The following MICAL3 variants were observed in gnomAD, a reference collection of about 807,000 sequenced individuals.
The protein encoded by MICAL3 is microtubule associated monooxygenase, calponin and LIM domain containing 3.
MICAL3 carries 62 observed loss-of-function variants against 207.4 expected under a neutral mutation model. That is an observed-to-expected ratio of 0.30 (90% confidence interval 0.24 to 0.37). MICAL3 has a LOEUF of 0.37. MICAL3 is among the 10% of genes least tolerant of loss of function. The probability of loss-of-function intolerance (pLI) is 1.00; values close to 1 mark genes in which losing one functional copy is unlikely to be tolerated. For synonymous variants in MICAL3, 1,077 were observed against 1,069.3 expected, an observed-to-expected ratio of 1.01 and a Z score of -0.14; for missense variants, 2,368 against 2,635.6, an observed-to-expected ratio of 0.90 and a Z score of 2.22.
intron 1 of MICAL3, among the ~76,000 whole-genome samples, chr22:18,012,407 G>T (rs5992967): frequency 0.37 from 56,293 of 152,074 alleles, 10,484 homozygotes; most frequent in Middle Eastern, 0.4. Flanking sequence ...CGGCCCTCAT[G>T]GGGAGGGACC....
At chr22:17,809,200 T>A (rs1446615721) in intron 28 of MICAL3, among the ~76,000 whole-genome samples, 2 of 152,174 alleles carry the variant, frequency 1.3e-5, no homozygotes, top group Admixed American at 6.5e-5. Flanking sequence ...CCCAGGAGTG[T>A]TGCAGAGACA....
chr22:17,856,682 C>T (rs1207574148), intron 19 of MICAL3, among the ~76,000 whole-genome samples: 4 of 133,696 alleles, frequency 3.0e-5, no homozygotes, highest in Non-Finnish European at 6.1e-5. Flanking sequence ...ACTGCAGTGG[C>T]GCAATCTCGG....
At chr22:18,000,675 G>A (rs1922861546) in intron 1 of MICAL3, among the ~76,000 whole-genome samples, 1 of 152,240 alleles carries the variant, frequency 6.6e-6, no homozygotes. Context: ...CAAAAGCGCG[G>A]TCCCCTCGGA....
chr22:17,950,564 T>C (rs915051819), intron 1 of MICAL3, among the ~76,000 whole-genome samples: 1 of 152,118 alleles, frequency 6.6e-6, no homozygotes, highest in Non-Finnish European at 1.5e-5. Context: ...CTTGAACTCC[T>C]GACCTCAAGT....
intron 1 of MICAL3, among the ~76,000 whole-genome samples, chr22:17,928,669 C>T (rs929686480): frequency 9.2e-5 from 14 of 152,302 alleles, no homozygotes; most frequent in African/African-American, 3.4e-4. Flanking sequence ...TGCCCTGATA[C>T]GATGAACAAC....
chr22:17,849,737 C>T (rs1290452163), intron 19 of MICAL3, among the ~76,000 whole-genome samples: 1 of 140,516 alleles, frequency 7.1e-6, no homozygotes. Flanking sequence ...CCCTGTCACC[C>T]AAGCTGGAGT....
chr22:17,830,812 T>G (rs1251347121), intron 21 of MICAL3, among the ~76,000 whole-genome samples: 1 of 152,224 alleles, frequency 6.6e-6, no homozygotes, highest in Non-Finnish European at 1.5e-5. Flanking sequence ...TGACGCCAGC[T>G]GTTCTCGCGG....
At chr22:17,874,190 C>T (rs1928024809) in intron 16 of MICAL3, among the ~76,000 whole-genome samples, 1 of 152,116 alleles carries the variant, frequency 6.6e-6, no homozygotes, top group South Asian at 2.1e-4. Flanking sequence ...AATAAGATTC[C>T]CAAGGATTGG....
intron 1 of MICAL3, among the ~76,000 whole-genome samples, chr22:18,010,649 C>T (rs1298753608): frequency 2.0e-5 from 3 of 152,134 alleles, no homozygotes; most frequent in Non-Finnish European, 2.9e-5. Context: ...TTAGCTCCCA[C>T]TGGCAGAAAA....
chr22:17,954,392 G>A (rs1399532664), intron 1 of MICAL3, among the ~76,000 whole-genome samples: 2 of 152,018 alleles, frequency 1.3e-5, no homozygotes, highest in African/African-American at 2.4e-5. Context: ...GGAACATCAG[G>A]GGGAAGGAGA....
chr22:17,871,707 G>T, intron 17 of MICAL3, 130 bp downstream of exon 17: 2 of 770,314 alleles, frequency 2.6e-6, no homozygotes, highest in Non-Finnish European at 4.1e-6. Context: ...GGGCAAGAAA[G>T]GCTGGGAGAG....
At chr22:17,879,807 G>A (rs9617633) in intron 16 of MICAL3, among the ~76,000 whole-genome samples, 23,192 of 152,146 alleles carry the variant, frequency 0.15, 2,164 homozygotes, top group African/African-American at 0.24. Flanking sequence ...GGTGGGAATT[G>A]GCTAGAATAA....
chr22:17,832,239 G>A, intron 20 of MICAL3, 132 bp from the exon 21 acceptor site: 2 of 1,198,416 alleles, frequency 1.7e-6, no homozygotes, highest in Non-Finnish European at 2.3e-6. Context: ...GAGACAGGAG[G>A]GAGGAGAGAG....
chr22:17,889,089 C>A lies in MICAL3; in HGVS notation c.1836G>T (p.Met612Ile). The change falls in exon 13 of 32, where the codon ATG (methionine) becomes ATT (isoleucine). Residue 612 changes from methionine to isoleucine, a missense_variant. Coordinates refer to ENST00000441493, the MANE Select transcript of MICAL3 (RefSeq NM_015241.3). ...CGTAGAACTGAGTCAGGTACATCAC[C>A]ATGGACAGCTTATCAGGCTCCCCCA... Reference protein sequence around the residue: ...ASVGEPDKLSMVMYLTQFYEM... With the variant: ...ASVGEPDKLSIVMYLTQFYEM... 6.2e-7 allele frequency: 1 copy of A among 1,613,706 alleles called. No homozygotes were observed. The highest frequency in any genetic ancestry group is 1.1e-5 in the South Asian group (1 of 91,044).
At chr22:17,915,079 T>G (rs1270692413) in intron 1 of MICAL3, among the ~76,000 whole-genome samples, 1 of 149,958 alleles carries the variant, frequency 6.7e-6, no homozygotes, top group Non-Finnish European at 1.5e-5. Flanking sequence ...ATTGAGGATG[T>G]GGGAAAACAC....
intron 29 of MICAL3, among the ~76,000 whole-genome samples, chr22:17,795,289 T>C (rs1394823285): frequency 6.6e-6 from 1 of 152,236 alleles, no homozygotes; most frequent in Non-Finnish European, 1.5e-5. Context: ...CTTCAAAGTG[T>C]AGTCTGTCTT....
chr22:17,920,434 C>A (rs577547351), intron 1 of MICAL3, among the ~76,000 whole-genome samples: 2 of 152,334 alleles, frequency 1.3e-5, no homozygotes, highest in African/African-American at 2.4e-5. Context: ...CAACACTCCA[C>A]TGAGGGTGAC....
chr22:17,834,388 A>G, intron 20 of MICAL3: 1 of 1,269,554 alleles, frequency 7.9e-7, no homozygotes, highest in Admixed American at 2.6e-5. Flanking sequence ...CACTTGCTAG[A>G]CACTGTAGGG....
chr22:17,931,388 T>C (rs150235993), intron 1 of MICAL3, among the ~76,000 whole-genome samples: 1 of 152,328 alleles, frequency 6.6e-6, no homozygotes, highest in East Asian at 1.9e-4. Flanking sequence ...GTGAATGGAA[T>C]CTGCACCAGG....
Sources: gnomAD v4.1 joint callset for allele counts (sites outside exome capture counted in the v4.1 genomes callset) on GRCh38, gnomAD v4.1.1 for gene constraint, MANE v1.5 for transcripts, NCBI Gene and HGNC (gene_info 2026-07-23, HGNC 2026-07-21) for gene names.